CDH12: variants seen among roughly 807,000 people sequenced by gnomAD.
CDH12 encodes cadherin-12.
A neutral mutation model predicts 74.1 loss-of-function variants in CDH12; 41 were observed. The ratio of observed to expected loss-of-function variants is 0.55; its 90% CI spans 0.43 to 0.72. The LOEUF is 0.72. CDH12 is among the 30% of genes least tolerant of loss of function. The pLI is 0.00. For synonymous variants in CDH12, 399 were observed against 355.0 expected, an observed-to-expected ratio of 1.12 and a Z score of -1.39; for missense variants, 945 against 977.2, an observed-to-expected ratio of 0.97 and a Z score of 0.44.
At chr5:22,206,679 C>CAA (rs71609754) in intron 4 of CDH12, among the ~76,000 whole-genome samples, 20,220 of 54,152 alleles carry the variant, frequency 0.37, 4,129 homozygotes, top group African/African-American at 0.43. Flanking sequence ...GATTCCACTG[C>CAA]AAAAAAAAAA....
At chr5:21,894,398 A>G (rs1753030605) in intron 6 of CDH12, among the ~76,000 whole-genome samples, 1 of 150,676 alleles carries the variant, frequency 6.6e-6, no homozygotes, top group East Asian at 1.9e-4. Flanking sequence ...AAAAAAAAAA[A>G]AAAAAAGAAA....
chr5:22,012,326 T>TA (rs950948524), intron 5 of CDH12, among the ~76,000 whole-genome samples: 78 of 151,866 alleles, frequency 5.1e-4, no homozygotes, highest in African/African-American at 1.7e-3. Context: ...TGTTAGACTT[T>TA]AAAAAAAACA....
chr5:22,462,333 A>G (rs1745555957), intron 2 of CDH12, among the ~76,000 whole-genome samples: 1 of 152,156 alleles, frequency 6.6e-6, no homozygotes, highest in South Asian at 2.1e-4. Context: ...AGTTACACAT[A>G]ATCAGAGCCT....
intron 3 of CDH12, among the ~76,000 whole-genome samples, chr5:22,329,883 G>A (rs554379768): frequency 2.6e-5 from 4 of 152,306 alleles, no homozygotes; most frequent in Non-Finnish European, 5.9e-5. Context: ...ACTGTGGACT[G>A]AAGTGTTCTG....
At chr5:21,878,173 T>C (rs1752039579) in intron 6 of CDH12, among the ~76,000 whole-genome samples, 2 of 152,212 alleles carry the variant, frequency 1.3e-5, no homozygotes, top group Admixed American at 1.3e-4. Context: ...TGATTTCATA[T>C]TAAGGTTTTG....
intron 3 of CDH12, among the ~76,000 whole-genome samples, chr5:22,387,138 G>C (rs1417357565): frequency 1.3e-5 from 2 of 151,932 alleles, no homozygotes; most frequent in Admixed American, 6.6e-5. Flanking sequence ...CTAGAAAATA[G>C]AGGATGCTTT....
intron 3 of CDH12, among the ~76,000 whole-genome samples, chr5:22,303,382 C>A (rs2150421542): frequency 6.6e-6 from 1 of 151,960 alleles, no homozygotes; most frequent in South Asian, 2.1e-4. Context: ...CATCATTAAA[C>A]AACAAACAAA....
chr5:21,838,251 T>C (rs10059819), intron 8 of CDH12, among the ~76,000 whole-genome samples: 31,979 of 152,068 alleles, frequency 0.21, 3,578 homozygotes, highest in East Asian at 0.31. Flanking sequence ...TTGACACATA[T>C]GTAAATGCTT....
At chr5:22,493,018 C>T (rs1475548108) in intron 2 of CDH12, among the ~76,000 whole-genome samples, 8 of 152,318 alleles carry the variant, frequency 5.3e-5, no homozygotes, top group Admixed American at 2.6e-4. Flanking sequence ...ACTGAAGCCA[C>T]GGTGGTGTTC....
chr5:22,742,852 C>G (rs1745097258), intron 1 of CDH12, among the ~76,000 whole-genome samples: 1 of 151,786 alleles, frequency 6.6e-6, no homozygotes, highest in South Asian at 2.1e-4. Context: ...CTTGACTGGG[C>G]CACAGGGTGC....
chr5:22,684,501 A>G (rs1741656933), intron 1 of CDH12, among the ~76,000 whole-genome samples: 1 of 152,208 alleles, frequency 6.6e-6, no homozygotes, highest in Non-Finnish European at 1.5e-5. Flanking sequence ...CATTCAAATG[A>G]TTGTGAAGTC....
intron 5 of CDH12, among the ~76,000 whole-genome samples, chr5:22,008,267 T>TC (rs1205096081): frequency 6.6e-6 from 1 of 152,036 alleles, no homozygotes. Flanking sequence ...TCTCGCTCTG[T>TC]CACCCAGGCT....
intron 1 of CDH12, among the ~76,000 whole-genome samples, chr5:22,622,327 T>C (rs934615441): frequency 6.6e-6 from 1 of 151,764 alleles, no homozygotes; most frequent in Non-Finnish European, 1.5e-5. Flanking sequence ...GATTGGCATG[T>C]CTTCAGAGAG....
At chr5:21,783,207 C>T (rs558172077) in intron 11 of CDH12, 151 bp downstream of exon 11, 3 of 623,512 alleles carry the variant, frequency 4.8e-6, no homozygotes, top group Non-Finnish European at 8.3e-6. Flanking sequence ...TGGACTTATG[C>T]TCTGAGGAAA....
intron 3 of CDH12, among the ~76,000 whole-genome samples, chr5:22,377,589 T>A (rs1380072474): frequency 1.3e-5 from 2 of 152,172 alleles, no homozygotes; most frequent in Admixed American, 6.5e-5. Context: ...ATAGCAAAGA[T>A]CTGCAACTCC....
intron 4 of CDH12, among the ~76,000 whole-genome samples, chr5:22,129,051 G>A (rs1746035455): frequency 6.6e-6 from 1 of 152,186 alleles, no homozygotes; most frequent in South Asian, 2.1e-4. Flanking sequence ...CGTTTAACCT[G>A]TAAAATCTTC....
At chr5:22,642,952 T>C (rs1457002731) in intron 1 of CDH12, among the ~76,000 whole-genome samples, 1 of 152,154 alleles carries the variant, frequency 6.6e-6, no homozygotes, top group Non-Finnish European at 1.5e-5. Flanking sequence ...TGAATGGGGT[T>C]CTCATTGGAA....
chr5:22,597,905 C>A (rs1259125418), intron 1 of CDH12, among the ~76,000 whole-genome samples: 1 of 151,768 alleles, frequency 6.6e-6, no homozygotes, highest in Non-Finnish European at 1.5e-5. Flanking sequence ...AGTAACTTTA[C>A]AAAATAAAAA....
chr5:22,183,174 CATGGGTAGAA>C (rs1451955253), intron 4 of CDH12, among the ~76,000 whole-genome samples: 1 of 149,752 alleles, frequency 6.7e-6, no homozygotes, highest in Non-Finnish European at 1.5e-5. Flanking sequence ...GAAATGGCTA[CATGGGTAGAA>C]ATAAAACAGC....
Sources: allele counts gnomAD v4.1 joint callset (sites outside exome capture counted in the v4.1 genomes callset), GRCh38; gene constraint gnomAD v4.1.1; transcripts MANE v1.5; gene names NCBI Gene and HGNC (gene_info 2026-07-23, HGNC 2026-07-21).